Variants in ZIM2 observed in about 807,000 individuals in gnomAD.
ZIM2 encodes zinc finger protein 656.
A neutral mutation model predicts 38.6 loss-of-function variants in ZIM2; 14 were observed. The observed-to-expected ratio is 0.36, with a 90% CI of 0.24 to 0.57. ZIM2 has a LOEUF of 0.57. Among genes scored for constraint, ZIM2 ranks in the 20% least tolerant of loss-of-function variants. The pLI, the probability that ZIM2 is intolerant of heterozygous loss-of-function variation, is 0.81. For missense variants in ZIM2, 680 were observed against 695.1 expected, an observed-to-expected ratio of 0.98 and a Z score of 0.24; for synonymous variants, 247 against 245.8, an observed-to-expected ratio of 1.00 and a Z score of -0.04.
intron 3 of ZIM2, chr19:56,825,100 T>A (rs2060890982): frequency 6.2e-6 from 1 of 160,530 alleles, no homozygotes; most frequent in Non-Finnish European, 1.4e-5. Context: ...AAGACTTAAC[T>A]GCCCAATGCA....
At chr19:56,795,937 A>C (rs1230587435) in intron 9 of ZIM2, among the ~76,000 whole-genome samples, 1 of 152,236 alleles carries the variant, frequency 6.6e-6, no homozygotes, top group Non-Finnish European at 1.5e-5. Flanking sequence ...ATAAGTGGTA[A>C]AAATAAAAAA....
intron 9 of ZIM2, among the ~76,000 whole-genome samples, chr19:56,805,518 G>A (rs1039899848): frequency 4.6e-5 from 7 of 152,176 alleles, no homozygotes; most frequent in African/African-American, 1.4e-4. Context: ...TAGTTGCAAG[G>A]AGGGAAACCA....
At chr19:56,796,143 G>A (rs1465124432) in intron 9 of ZIM2, among the ~76,000 whole-genome samples, 1 of 152,070 alleles carries the variant, frequency 6.6e-6, no homozygotes, top group Non-Finnish European at 1.5e-5. Flanking sequence ...GCTTCCCTCA[G>A]TATTCCTGGG....
At chr19:56,807,923 T>C (rs2047835786) in intron 9 of ZIM2, among the ~76,000 whole-genome samples, 1 of 152,212 alleles carries the variant, frequency 6.6e-6, no homozygotes, top group African/African-American at 2.4e-5. Flanking sequence ...TAGCTTAAAA[T>C]AGTGAGTAAA....
rs10407687 is a variant in ZIM2 at position 56,810,269 on chromosome 19, A to G, written c.490+7477T>C. 2,245 of 982,924 alleles carry G rather than the reference A, an allele frequency of 2.3e-3. 44 individuals are homozygous for G. The African/African-American group carries it at 0.035, about 15-fold the overall frequency. The allele number at this position is 982,924 out of a possible 1,614,324, so 60.9% of individuals were successfully genotyped here. Reference sequence around the variant, plus strand: ...ACATTTCTGTAACTTCAAAGTTTCTATAATGAACACATTTCATATATAATG... The same window carrying G: ...ACATTTCTGTAACTTCAAAGTTTCTGTAATGAACACATTTCATATATAATG... On this transcript the variant is annotated intron_variant, in intron 9 of 12. Transcript: ENST00000629319.
In ZIM2 at chr19:56,814,317, T is replaced by C. The variant is rs957162240; in HGVS notation, c.490+3429A>G. The C allele has an allele frequency of 2.3e-5, 37 of 1,614,026 alleles. No individual in the cohort carries two copies. Among genetic ancestry groups the C allele is most frequent in the Non-Finnish European group, 3.1e-5 (36 of 1,180,040 alleles). On this transcript the variant is annotated intron_variant, in intron 9 of 12. Transcript: ENST00000629319. The surrounding 1 kb of genome is among the most constrained non-coding windows in gnomAD (Gnocchi z 5.8). Reference sequence around the variant, plus strand: ...CTACTTGTGGAACATGGACATTGGCTTCAACTTCCTGGGCTGCTGCTGCTG... The same window carrying C: ...CTACTTGTGGAACATGGACATTGGCCTCAACTTCCTGGGCTGCTGCTGCTG...
At chr19:56,837,763 C>G (rs975751662) in intron 1 of ZIM2, among the ~76,000 whole-genome samples, 3 of 152,256 alleles carry the variant, frequency 2.0e-5, no homozygotes, top group Non-Finnish European at 2.9e-5. Flanking sequence ...TTGAAATCCC[C>G]TCAGCCCCCT....
At chr19:56,816,863 G>A (rs776612828) in intron 9 of ZIM2, 1 of 1,614,084 alleles carries the variant, frequency 6.2e-7, no homozygotes, top group Non-Finnish European at 8.5e-7. Flanking sequence ...CCTCTAGCAT[G>A]AATCTTCCGA....
rs533268328 is a variant in ZIM2, at chr19:56,817,109, T to C, written c.490+637A>G. ...ACATATGGCATTGCCCCAAAATCAATTGGCTGTGACTCGGTAAAGGAGGGG... is the reference window on the plus strand; with the variant it reads ...ACATATGGCATTGCCCCAAAATCAACTGGCTGTGACTCGGTAAAGGAGGGG... On this transcript the variant is annotated intron_variant, in intron 9 of 12. Transcript: ENST00000629319. 77 of 1,614,116 alleles carry C rather than the reference T, an allele frequency of 4.8e-5. No homozygotes were observed. The highest frequency in any genetic ancestry group is 1.6e-4 in the Middle Eastern group (1 of 6,062).
At chr19:56,810,213 G>A (rs1402062180) in intron 9 of ZIM2, 2 of 982,252 alleles carry the variant, frequency 2.0e-6, no homozygotes, top group African/African-American at 3.5e-5. Context: ...ACACTCTTTG[G>A]ATGGTGAAAA....
intron 7 of ZIM2, among the ~76,000 whole-genome samples, chr19:56,821,092 C>T (rs888842820): frequency 1.3e-5 from 2 of 152,258 alleles, no homozygotes; most frequent in South Asian, 2.1e-4. Flanking sequence ...TAACGGTGTG[C>T]CTACCATGTG....
At chr19:56,791,645 C>T (rs775760665) in intron 9 of ZIM2, among the ~76,000 whole-genome samples, 24 of 152,182 alleles carry the variant, frequency 1.6e-4, no homozygotes, top group Admixed American at 6.5e-4. Context: ...TGTCCATACT[C>T]GAGCCTTCCC....
chr19:56,823,606 T>C lies in ZIM2; in HGVS notation c.90A>G (p.Ser30=), dbSNP rs1173617147. The C allele has an allele frequency of 6.2e-7, 1 of 1,614,144 alleles. No homozygotes were observed. The highest frequency in any genetic ancestry group is 8.5e-7 in the Non-Finnish European group (1 of 1,180,012). Residue 30 remains serine, a synonymous_variant, in exon 5 of 13, where the codon TCA becomes TCG. Coordinates refer to ENST00000629319, the MANE Select transcript of ZIM2 (RefSeq NM_001387356.1). ...RNRRESSPPH[S]VHSFSGDRDW... ...GGTACTCACCACTGAAAGAATGGAC[T>C]GAGTGAGGTGGTGAGGACTCTCTTC...
chr19:56,833,279 G>A (rs1052421807), intron 2 of ZIM2: 12 of 449,648 alleles, frequency 2.7e-5, no homozygotes, highest in East Asian at 6.7e-5. Flanking sequence ...CCCCTAACTC[G>A]TTCTACCTAC....
chr19:56,805,357 G>A (rs1015201538), intron 9 of ZIM2, among the ~76,000 whole-genome samples: 1 of 152,202 alleles, frequency 6.6e-6, no homozygotes, highest in African/African-American at 2.4e-5. Flanking sequence ...GAAGGGCCAG[G>A]CACGCAACTC....
chr19:56,818,442 AT>A (rs1483886293), intron 8 of ZIM2, among the ~76,000 whole-genome samples, 157 bp downstream of exon 8: 1 of 152,230 alleles, frequency 6.6e-6, no homozygotes. Context: ...CACAAATTTT[AT>A]CATTTACTCC....
intron 1 of ZIM2, among the ~76,000 whole-genome samples, chr19:56,836,576 A>G (rs1289070245): frequency 3.3e-5 from 5 of 152,222 alleles, no homozygotes; most frequent in African/African-American, 1.2e-4. Flanking sequence ...TGTTCAATCA[A>G]TTAGAGGTCC....
chr19:56,779,192 A>G (rs2046189472), intron 12 of ZIM2, among the ~76,000 whole-genome samples, 185 bp downstream of exon 12: 1 of 152,076 alleles, frequency 6.6e-6, no homozygotes, highest in Non-Finnish European at 1.5e-5. Context: ...GCCTCCCTGG[A>G]GCTAAGCAGG....
At chr19:56,807,575 A>G (rs777392129) in intron 9 of ZIM2, among the ~76,000 whole-genome samples, 2 of 152,220 alleles carry the variant, frequency 1.3e-5, no homozygotes, top group Non-Finnish European at 2.9e-5. Context: ...TTGGGAGGCC[A>G]AGGCAAGAGG....
Sources: gnomAD v4.1 joint callset for allele counts (sites outside exome capture counted in the v4.1 genomes callset) on GRCh38, gnomAD v4.1.1 for gene constraint, Gnocchi (gnomAD v3.1) non-coding constraint, MANE v1.5 for transcripts, NCBI Gene and HGNC (gene_info 2026-07-23, HGNC 2026-07-21) for gene names.